CALD1: variants seen among roughly 807,000 people sequenced by gnomAD.
CALD1 encodes the protein caldesmon 1.
Under a neutral mutation model 99.9 loss-of-function variants are expected in CALD1, and 33 were observed. The observed-to-expected ratio is 0.33, with a 90% CI of 0.25 to 0.44. CALD1 has a LOEUF of 0.44. Among genes scored for constraint, CALD1 ranks in the 20% least tolerant of loss-of-function variants. CALD1 has a pLI of 1.00. For missense variants in CALD1, 861 were observed against 962.1 expected (o/e 0.89, Z 1.39); for synonymous variants, 310 against 325.0 (o/e 0.95, Z 0.50).
chr7:134,904,092 G>A (rs1172254589), intron 3 of CALD1, among the ~76,000 whole-genome samples: 1 of 151,886 alleles, frequency 6.6e-6, no homozygotes, highest in African/African-American at 2.4e-5. Flanking sequence ...ATGTGGTGGT[G>A]CATGCCTGTA....
intron 3 of CALD1, among the ~76,000 whole-genome samples, chr7:134,892,629 GGA>G (rs1340665205): frequency 6.6e-6 from 1 of 152,188 alleles, no homozygotes; most frequent in Non-Finnish European, 1.5e-5. Context: ...CAGATCTCTT[GGA>G]GAGCTAGTTT....
rs1586354120 is a variant in CALD1 at position 134,933,795 on chromosome 7, G to A, written c.1026G>A (p.Arg342=). 1.3e-6 allele frequency: 2 copies of A among 1,553,306 alleles called. No individual in the cohort carries two copies. Among genetic ancestry groups the A allele is most frequent in the East Asian group, 4.9e-5 (2 of 40,954 alleles). The change falls in exon 5 of 15, where the codon AGG becomes AGA. Residue 342 remains arginine, a synonymous_variant. Coordinates refer to ENST00000361675, the MANE Select transcript of CALD1 (RefSeq NM_033138.4). ...AAGAGAAAAGGGCAGCAGAGGAGAG[G>A]CAGAGGATAAAGGAGGAAGAGAAAA... is the stretch of plus-strand genomic sequence containing the variant. ...KEEEKRAAEE[R]QRIKEEEKRA...
intron 9 of CALD1, among the ~76,000 whole-genome samples, chr7:134,956,013 A>T (rs1054702981): frequency 2.0e-5 from 3 of 152,204 alleles, no homozygotes; most frequent in African/African-American, 7.2e-5. Flanking sequence ...AATTTTTTCT[A>T]CAGAAATATA....
At chr7:134,869,838 T>C (rs912897095) in intron 3 of CALD1, among the ~76,000 whole-genome samples, 35 of 151,832 alleles carry the variant, frequency 2.3e-4, no homozygotes, top group African/African-American at 8.2e-4. Flanking sequence ...AAAAAGCAAG[T>C]GTAGAAAAAG....
chr7:134,752,574 C>G (rs761930742), intron 1 of CALD1, among the ~76,000 whole-genome samples: 1 of 151,992 alleles, frequency 6.6e-6, no homozygotes, highest in Non-Finnish European at 1.5e-5. Flanking sequence ...AGTTCAGGCT[C>G]GGGGAGATAA....
At chr7:134,864,457 G>A (rs553815232) in intron 2 of CALD1, among the ~76,000 whole-genome samples, 15 of 150,470 alleles carry the variant, frequency 1.0e-4, no homozygotes, top group Admixed American at 9.2e-4. Flanking sequence ...GGAGTGAAGC[G>A]GCTCAATCTC....
At chr7:134,916,213 G>T (rs942323723) in intron 3 of CALD1, among the ~76,000 whole-genome samples, 1 of 152,158 alleles carries the variant, frequency 6.6e-6, no homozygotes, top group Non-Finnish European at 1.5e-5. Context: ...GGCAGGTAGG[G>T]TTCACCCCAT....
chr7:134,891,561 C>A lies in CALD1; in HGVS notation c.71+23757C>A, dbSNP rs1802172527. 5 of 1,565,112 alleles carry A rather than the reference C, an allele frequency of 3.2e-6. No individual in the cohort carries two copies. In the South Asian group the frequency reaches 5.9e-5, roughly 18 times the overall value. On this transcript the variant is annotated intron_variant, in intron 3 of 14. Transcript: ENST00000361675. ...CCGCGGGCCCAGCCCACGCCCTGACCGCCCGGCCTGGCCAGGTCTCCGTAT... is the reference window on the plus strand; with the variant it reads ...CCGCGGGCCCAGCCCACGCCCTGACAGCCCGGCCTGGCCAGGTCTCCGTAT...
At chr7:134,850,312 A>G (rs1374028867) in intron 2 of CALD1, among the ~76,000 whole-genome samples, 2 of 152,182 alleles carry the variant, frequency 1.3e-5, no homozygotes, top group African/African-American at 2.4e-5. Flanking sequence ...GCTACAGTCT[A>G]CTATGTATTA....
chr7:134,775,779 T>C (rs1358613968), upstream of CALD1, among the ~76,000 whole-genome samples: 1 of 152,166 alleles, frequency 6.6e-6, no homozygotes, highest in African/African-American at 2.4e-5. Flanking sequence ...TCTTTACAAC[T>C]TTCAGGTTTT....
At chr7:134,853,876 C>CCCCCCCCT (rs35846091) in intron 2 of CALD1, among the ~76,000 whole-genome samples, 1 of 140,626 alleles carries the variant, frequency 7.1e-6, no homozygotes, top group Non-Finnish European at 1.5e-5. Context: ...ACCCCCACCC[C>CCCCCCCCT]GACAGGTCCC....
rs761733639 is a variant in CALD1, at chr7:134,941,128, AAAG to A, written c.1430_1432del (p.Glu477del). On this transcript the variant is annotated inframe_deletion, in exon 7 of 15. Transcript: ENST00000361675. ...AAAGATTAAAAAGGACAAAGAACCCAAAGAAGAAGTTAAGAGCTTCATGGATCG... is the reference window on the plus strand; with the variant it reads ...AAAGATTAAAAAGGACAAAGAACCCAAAGAAGTTAAGAGCTTCATGGATCG... 52 of 1,612,078 alleles carry A rather than the reference AAAG, an allele frequency of 3.2e-5. No individual in the cohort carries two copies. In the East Asian group the frequency reaches 4.9e-4, roughly 15 times the overall value.
intron 11 of CALD1, among the ~76,000 whole-genome samples, chr7:134,959,723 C>A (rs753349030): frequency 2.0e-5 from 3 of 152,072 alleles, no homozygotes; most frequent in African/African-American, 7.2e-5. Flanking sequence ...ATCAATTTCA[C>A]AACAAATGGT....
chr7:134,742,667 T>A (rs892457023), upstream of CALD1, among the ~76,000 whole-genome samples: 2 of 152,172 alleles, frequency 1.3e-5, no homozygotes, highest in Non-Finnish European at 2.9e-5. Context: ...GCCTGGAGAT[T>A]AAAGGAGAAA....
chr7:134,951,290 T>G (rs140211968), intron 9 of CALD1, among the ~76,000 whole-genome samples: 2 of 152,220 alleles, frequency 1.3e-5, no homozygotes, highest in Non-Finnish European at 2.9e-5. Flanking sequence ...TTACAACATA[T>G]GGAAAGGAGG....
intron 3 of CALD1, among the ~76,000 whole-genome samples, chr7:134,913,982 T>G (rs1804019743): frequency 6.6e-6 from 1 of 152,228 alleles, no homozygotes; most frequent in Non-Finnish European, 1.5e-5. Flanking sequence ...GGGTCAATCC[T>G]GATTTTGTAA....
At chr7:134,725,235 T>A in the CALD1 span, among the ~76,000 whole-genome samples, 41 of 152,280 alleles carry the variant, frequency 2.7e-4, no homozygotes, top group African/African-American at 8.9e-4. Flanking sequence ...TTTCCTTAAT[T>A]CAATATTTCT....
intron 3 of CALD1, among the ~76,000 whole-genome samples, chr7:134,918,090 A>G (rs1483661898): frequency 6.6e-6 from 1 of 152,224 alleles, no homozygotes; most frequent in Non-Finnish European, 1.5e-5. Context: ...AATAGATTTT[A>G]GTTTATCTTA....
chr7:134,857,585 A>G (rs1460306497), intron 2 of CALD1, among the ~76,000 whole-genome samples: 1 of 152,114 alleles, frequency 6.6e-6, no homozygotes, highest in East Asian at 1.9e-4. Flanking sequence ...CTAAATTACT[A>G]TCTAAATATA....
Sources: gnomAD v4.1 joint callset for allele counts (sites outside exome capture counted in the v4.1 genomes callset) on GRCh38, gnomAD v4.1.1 for gene constraint, MANE v1.5 for transcripts, NCBI Gene and HGNC (gene_info 2026-07-23, HGNC 2026-07-21) for gene names.